TNIK: variants seen among roughly 807,000 people sequenced by gnomAD.
TNIK encodes TRAF2 and NCK interacting kinase.
TNIK carries 49 observed loss-of-function variants against 191.3 expected under a neutral mutation model. The observed-to-expected ratio is 0.26, with a 90% CI of 0.20 to 0.32. TNIK has a LOEUF of 0.32. TNIK is among the 10% of genes least tolerant of loss of function. The probability of loss-of-function intolerance (pLI) is 1.00; values close to 1 mark genes in which losing one functional copy is unlikely to be tolerated. For missense variants in TNIK, 1,155 were observed against 1,702.3 expected, an observed-to-expected ratio of 0.68 and a Z score of 5.66; for synonymous variants, 594 against 600.9, an observed-to-expected ratio of 0.99 and a Z score of 0.17.
At chr3:171,343,298 T>A (rs772362999) in intron 2 of TNIK, among the ~76,000 whole-genome samples, 119 of 152,284 alleles carry the variant, frequency 7.8e-4, no homozygotes, top group Admixed American at 1.4e-3. Context: ...TTCAATATGA[T>A]GTAATGAAAA....
chr3:171,376,730 C>CAGATAGATAGATAGATGATAGATAGAT lies in TNIK; in HGVS notation c.58-7072_58-7046dup, dbSNP rs1553765142. On this transcript the variant is annotated intron_variant, in intron 1 of 32. Transcript: ENST00000436636. Reference sequence around the variant, plus strand: ...TTCAAGTAAAAAACATAAATATATACAGATAGATAGATAGATGATAGATAG... The same window carrying CAGATAGATAGATAGATGATAGATAGAT: ...TTCAAGTAAAAAACATAAATATATACAGATAGATAGATAGATGATAGATAGATAGATAGATAGATAGATGATAGATAG... Among the ~76,000 whole-genome samples the CAGATAGATAGATAGATGATAGATAGAT allele has an allele frequency of 9.0e-3, 1,316 of 146,644 alleles. 17 individuals carry two copies. Among genetic ancestry groups the CAGATAGATAGATAGATGATAGATAGAT allele is most frequent in the African/African-American group, 0.033 (1,242 of 37,912 alleles).
intron 2 of TNIK, among the ~76,000 whole-genome samples, chr3:171,246,077 G>A (rs1745557601): frequency 6.6e-6 from 1 of 152,162 alleles, no homozygotes; most frequent in African/African-American, 2.4e-5. Flanking sequence ...GTGTGAGTGA[G>A]GGAGGAAGAC....
Position 171,364,752 on chromosome 3 carries a change from G to A in TNIK, c.123+4868C>T, listed in dbSNP as rs116197685. Among the ~76,000 whole-genome samples the A allele has an allele frequency of 3.7e-3, 569 of 152,274 alleles. 4 individuals carry two copies. Among genetic ancestry groups the A allele is most frequent in the African/African-American group, 0.011 (475 of 41,562 alleles). On this transcript the variant is annotated intron_variant, in intron 2 of 32. Coordinates refer to ENST00000436636, the MANE Select transcript of TNIK (RefSeq NM_015028.4). Reference sequence around the variant, plus strand: ...AGGGAAGCAGAGGCAGTGGCTAGCTGTAATAGACACAGGGATGAAAAGTGG... The same window carrying A: ...AGGGAAGCAGAGGCAGTGGCTAGCTATAATAGACACAGGGATGAAAAGTGG...
chr3:171,204,048 A>C (rs59979432), intron 4 of TNIK, among the ~76,000 whole-genome samples: 44,374 of 152,110 alleles, frequency 0.29, 6,737 homozygotes, highest in East Asian at 0.5. Flanking sequence ...GAAATTAGTT[A>C]ATTTACTAAA....
intron 12 of TNIK, among the ~76,000 whole-genome samples, chr3:171,141,169 CAT>C (rs1730781656): frequency 6.6e-6 from 1 of 152,216 alleles, no homozygotes. Context: ...GTCATCACCT[CAT>C]ACAATTACCA....
At chr3:171,113,197 CT>C (rs1490626134) in intron 18 of TNIK, among the ~76,000 whole-genome samples, 2 of 152,012 alleles carry the variant, frequency 1.3e-5, no homozygotes, top group Non-Finnish European at 2.9e-5. Context: ...TAATTAAATC[CT>C]TTGTTCATGT....
At position 171,266,438 on chromosome 3, in the gene TNIK, T is replaced by A. The variant is rs117234470; in HGVS notation, c.124-38217A>T. Among the ~76,000 whole-genome samples the A allele has an allele frequency of 3.5e-4, 53 of 152,320 alleles. No individual in the cohort carries two copies. In the East Asian group the frequency reaches 0.01, roughly 29 times the overall value. On this transcript the variant is annotated intron_variant, in intron 2 of 32. Coordinates refer to ENST00000436636, the MANE Select transcript of TNIK (RefSeq NM_015028.4). ...ATCTTTCCCTCTCAGTTTCCTTTCA[T>A]CTTTTCTCAAAGTAGAGAGGAATGA...
intron 1 of TNIK, among the ~76,000 whole-genome samples, chr3:171,372,414 T>C (rs554291444): frequency 6.6e-6 from 1 of 152,362 alleles, no homozygotes; most frequent in East Asian, 1.9e-4. Context: ...CTGAGATTTA[T>C]ACTGTGTGAG....
chr3:171,368,646 T>A (rs915214640), intron 2 of TNIK, among the ~76,000 whole-genome samples: 1 of 152,178 alleles, frequency 6.6e-6, no homozygotes, highest in African/African-American at 2.4e-5. Flanking sequence ...GAATACCCTA[T>A]AAATAATACT....
At chr3:171,202,177 C>G (rs956523916) in intron 4 of TNIK, among the ~76,000 whole-genome samples, 1 of 151,940 alleles carries the variant, frequency 6.6e-6, no homozygotes, top group African/African-American at 2.4e-5. Flanking sequence ...ACTCAAATTC[C>G]ACAGTATGAA....
At chr3:171,161,973 G>C (rs1232998444) in intron 10 of TNIK, among the ~76,000 whole-genome samples, 1 of 152,058 alleles carries the variant, frequency 6.6e-6, no homozygotes, top group Non-Finnish European at 1.5e-5. Flanking sequence ...CCACTATAAA[G>C]CCACCCATAT....
chr3:171,087,066 A>G (rs1167898092), intron 24 of TNIK, among the ~76,000 whole-genome samples: 2 of 152,168 alleles, frequency 1.3e-5, no homozygotes, highest in African/African-American at 2.4e-5. Flanking sequence ...ATCTGTCACA[A>G]ACCAGCTGTG....
At chr3:171,242,377 A>G (rs556416974) in intron 2 of TNIK, among the ~76,000 whole-genome samples, 5 of 152,328 alleles carry the variant, frequency 3.3e-5, no homozygotes, top group African/African-American at 1.2e-4. Flanking sequence ...AAGACTCATA[A>G]GCAGGATCTC....
chr3:171,386,675 A>G (rs200655335), intron 1 of TNIK, among the ~76,000 whole-genome samples: 38 of 152,320 alleles, frequency 2.5e-4, no homozygotes, highest in East Asian at 2.3e-3. Context: ...CAGAAGTTTA[A>G]TTGTCTATTG....
chr3:171,133,931 G>C (rs1408086020), intron 15 of TNIK, among the ~76,000 whole-genome samples: 1 of 152,098 alleles, frequency 6.6e-6, no homozygotes, highest in African/African-American at 2.4e-5. Context: ...ATCACAGAAA[G>C]AGAACACGAT....
intron 3 of TNIK, among the ~76,000 whole-genome samples, chr3:171,223,712 T>G (rs1189674824): frequency 6.6e-6 from 1 of 152,162 alleles, no homozygotes; most frequent in Non-Finnish European, 1.5e-5. Flanking sequence ...TAGAAAGTAT[T>G]TTAAAGAGTT....
At chr3:171,234,657 G>C (rs1428676324) in intron 2 of TNIK, among the ~76,000 whole-genome samples, 1 of 152,182 alleles carries the variant, frequency 6.6e-6, no homozygotes, top group African/African-American at 2.4e-5. Flanking sequence ...AGTCTTCCTG[G>C]CTGCCAGCTT....
chr3:171,441,031 C>T (rs973284761), intron 1 of TNIK, among the ~76,000 whole-genome samples: 4 of 152,058 alleles, frequency 2.6e-5, no homozygotes, highest in Admixed American at 6.6e-5. Context: ...AAGAATGACA[C>T]GAAAATACGT....
chr3:171,139,376 GCGCACACACACA>G, intron 14 of TNIK, 82 bp downstream of exon 14: 1 of 532,148 alleles, frequency 1.9e-6, no homozygotes, highest in Non-Finnish European at 3.0e-6. Flanking sequence ...ACACGCACGC[GCGCACACACACA>G]CACACACACA....
Sources: allele counts gnomAD v4.1 joint callset (sites outside exome capture counted in the v4.1 genomes callset), GRCh38; gene constraint gnomAD v4.1.1; transcripts MANE v1.5; gene names NCBI Gene and HGNC (gene_info 2026-07-23, HGNC 2026-07-21).